Variants in FGF14 observed in about 807,000 individuals in gnomAD.
FGF14 encodes fibroblast growth factor 14.
A neutral mutation model predicts 25.5 loss-of-function variants in FGF14; 5 were observed. The observed-to-expected ratio is 0.20, with a 90% confidence interval of 0.10 to 0.41. The LOEUF is 0.41. Among genes scored for constraint, FGF14 ranks in the 10% least tolerant of loss-of-function variants. The pLI, the probability that FGF14 is intolerant of heterozygous loss-of-function variation, is 1.00. For synonymous variants in FGF14, 138 were observed against 118.3 expected (o/e 1.17, Z -1.08); for missense variants, 222 against 320.1 (o/e 0.69, Z 2.34).
intron 1 of FGF14, among the ~76,000 whole-genome samples, chr13:102,145,875 T>C (rs1008087830): frequency 1.3e-5 from 2 of 152,184 alleles, no homozygotes; most frequent in African/African-American, 2.4e-5. Flanking sequence ...TGAAATCCAT[T>C]TACTATGAAA....
rs869271842 is a variant in FGF14, at chr13:101,932,756, T to TAAA, written c.209-57463_209-57461dup. ...ATCCCTCTCCCTTTTAAAATTACAG[T>TAAA]AAAAAAAAAAAAAAAAAAAGCACTG... is the stretch of plus-strand genomic sequence containing the variant. On this transcript the variant is annotated intron_variant, in intron 1 of 4. Coordinates refer to the FGF14 transcript ENST00000376131. Among the ~76,000 whole-genome samples, 490 of 98,526 alleles carry TAAA rather than the reference T, an allele frequency of 5.0e-3. 7 individuals are homozygous for TAAA. Among genetic ancestry groups the TAAA allele is most frequent in the South Asian group, 0.018 (55 of 3,018 alleles). The allele number at this position is 98,526 out of a possible 152,430, so 64.6% of individuals were successfully genotyped here.
intron 1 of FGF14, among the ~76,000 whole-genome samples, chr13:102,310,409 T>C (rs2138669536): frequency 6.6e-6 from 1 of 152,276 alleles, no homozygotes; most frequent in South Asian, 2.1e-4. Context: ...AAAATAGAAG[T>C]GACCTTGAGG....
intron 1 of FGF14, among the ~76,000 whole-genome samples, chr13:101,972,678 T>C (rs919932913): frequency 6.6e-6 from 1 of 152,194 alleles, no homozygotes; most frequent in Middle Eastern, 3.2e-3. Flanking sequence ...TCTTTTTTTT[T>C]CTCCCTTTTT....
At chr13:102,190,267 GA>G (rs1262707387) in intron 1 of FGF14, among the ~76,000 whole-genome samples, 1 of 152,096 alleles carries the variant, frequency 6.6e-6, no homozygotes, top group Non-Finnish European at 1.5e-5. Flanking sequence ...TACGCTTTAG[GA>G]CATAAGTTTT....
intron 1 of FGF14, among the ~76,000 whole-genome samples, chr13:102,282,145 C>T (rs1412318359): frequency 6.6e-6 from 1 of 151,582 alleles, no homozygotes; most frequent in African/African-American, 2.4e-5. Flanking sequence ...CGGCTCACCG[C>T]AACCTCTGCC....
At chr13:102,351,241 AC>A (rs1160063771) in intron 1 of FGF14, among the ~76,000 whole-genome samples, 2 of 152,112 alleles carry the variant, frequency 1.3e-5, no homozygotes, top group Non-Finnish European at 2.9e-5. Flanking sequence ...ATAAAATTAT[AC>A]CCAGTTAAAA....
At chr13:102,191,047 C>T (rs1228346293) in intron 1 of FGF14, among the ~76,000 whole-genome samples, 1 of 152,162 alleles carries the variant, frequency 6.6e-6, no homozygotes, top group African/African-American at 2.4e-5. Context: ...CAAAAGTGCC[C>T]TTACCAGTTG....
At chr13:102,033,976 G>A (rs544364905) in intron 1 of FGF14, among the ~76,000 whole-genome samples, 6 of 152,178 alleles carry the variant, frequency 3.9e-5, no homozygotes, top group Non-Finnish European at 7.4e-5. Flanking sequence ...TCAGGAGAAT[G>A]AGCCTAGAAA....
At chr13:101,864,055 T>C (rs1344723379) in intron 3 of FGF14, among the ~76,000 whole-genome samples, 1 of 152,144 alleles carries the variant, frequency 6.6e-6, no homozygotes, top group African/African-American at 2.4e-5. Flanking sequence ...GGATAAGACT[T>C]TGATGATCTT....
chr13:102,093,406 C>T (rs565557609), intron 1 of FGF14, among the ~76,000 whole-genome samples: 112 of 152,234 alleles, frequency 7.4e-4, no homozygotes, highest in Non-Finnish European at 1.3e-3. Flanking sequence ...TATAACTGCA[C>T]AAAATTAACT....
At chr13:101,879,674 T>A (rs1389008798) in intron 1 of FGF14, among the ~76,000 whole-genome samples, 1 of 152,206 alleles carries the variant, frequency 6.6e-6, no homozygotes, top group Non-Finnish European at 1.5e-5. Context: ...ATACGAACTA[T>A]GTTTATATAC....
At chr13:101,833,399 G>A (rs540386294) in intron 3 of FGF14, among the ~76,000 whole-genome samples, 70 of 152,174 alleles carry the variant, frequency 4.6e-4, no homozygotes, top group African/African-American at 1.6e-3. Context: ...TTTCAACAGC[G>A]TTGACTGAAT....
intron 3 of FGF14, among the ~76,000 whole-genome samples, chr13:101,815,160 GA>G (rs2041779233): frequency 6.6e-6 from 1 of 152,168 alleles, no homozygotes; most frequent in Non-Finnish European, 1.5e-5. Flanking sequence ...TGAGCTGGTG[GA>G]AAGAAAGAAA....
At chr13:102,312,222 CAAAA>C (rs34575465) in intron 1 of FGF14, among the ~76,000 whole-genome samples, 5 of 96,934 alleles carry the variant, frequency 5.2e-5, no homozygotes, top group Admixed American at 1.1e-4. Flanking sequence ...AGACCTAAAC[CAAAA>C]AAAAAAAAAA....
chr13:101,753,769 C>T (rs985194841), intron 3 of FGF14, among the ~76,000 whole-genome samples: 1 of 150,864 alleles, frequency 6.6e-6, no homozygotes, highest in Admixed American at 6.6e-5. Flanking sequence ...AGCCATTGCA[C>T]TCCAGCCTGG....
intron 1 of FGF14, among the ~76,000 whole-genome samples, chr13:101,944,025 A>C (rs59848799): frequency 0.13 from 19,089 of 148,416 alleles, 1,444 homozygotes; most frequent in East Asian, 0.19. Context: ...CAAAAAAAAA[A>C]CATGGTAAAA....
intron 1 of FGF14, among the ~76,000 whole-genome samples, chr13:102,255,992 T>C (rs2052417321): frequency 1.3e-5 from 2 of 152,048 alleles, no homozygotes; most frequent in African/African-American, 4.8e-5. Context: ...AAACTTGAAT[T>C]TGATAATAAT....
chr13:101,739,869 G>C (rs1438059598), intron 3 of FGF14, among the ~76,000 whole-genome samples: 1 of 152,184 alleles, frequency 6.6e-6, no homozygotes, highest in African/African-American at 2.4e-5. Flanking sequence ...CCAGGCCTGG[G>C]CCTGCCTGGC....
intron 1 of FGF14, among the ~76,000 whole-genome samples, chr13:101,929,145 G>A (rs999770288): frequency 6.6e-5 from 10 of 152,178 alleles, no homozygotes; most frequent in African/African-American, 2.4e-4. Context: ...TCAGAATATA[G>A]CGGGGAAGAT....
Sources: allele counts gnomAD v4.1 joint callset (sites outside exome capture counted in the v4.1 genomes callset), GRCh38; gene constraint gnomAD v4.1.1; transcripts MANE v1.5; gene names NCBI Gene and HGNC (gene_info 2026-07-23, HGNC 2026-07-21).